The following MYO1E variants were observed in gnomAD, a reference collection of about 807,000 sequenced individuals.
MYO1E encodes the protein unconventional myosin-Ie.
Under a neutral mutation model 151.1 loss-of-function variants are expected in MYO1E, and 68 were observed. That is an observed-to-expected ratio of 0.45 (90% CI 0.37 to 0.55). The LOEUF is 0.55. MYO1E is among the 20% of genes least tolerant of loss of function. The probability of loss-of-function intolerance (pLI) is 0.00; values close to 1 mark genes in which losing one functional copy is unlikely to be tolerated. For synonymous variants in MYO1E, 601 were observed against 501.7 expected, an observed-to-expected ratio of 1.20 and a Z score of -2.64; for missense variants, 1,363 against 1,389.3, an observed-to-expected ratio of 0.98 and a Z score of 0.30.
At chr15:59,165,701 T>C (rs1195266458) in intron 22 of MYO1E, among the ~76,000 whole-genome samples, 4 of 152,220 alleles carry the variant, frequency 2.6e-5, no homozygotes, top group East Asian at 1.9e-4. Flanking sequence ...AAAGCACTTA[T>C]GAAAAGCTGC....
At chr15:59,369,077 T>C (rs2080930495) in intron 1 of MYO1E, among the ~76,000 whole-genome samples, 1 of 152,208 alleles carries the variant, frequency 6.6e-6, no homozygotes, top group Non-Finnish European at 1.5e-5. Flanking sequence ...CTACTAGCAA[T>C]CTGATAAACT....
At chr15:59,234,563 T>C (rs548628747) in intron 5 of MYO1E, among the ~76,000 whole-genome samples, 12 of 152,318 alleles carry the variant, frequency 7.9e-5, no homozygotes, top group African/African-American at 2.6e-4. Flanking sequence ...CTCATGCCTG[T>C]AATCCCAGCT....
chr15:59,277,500 G>A (rs571108439), intron 1 of MYO1E, among the ~76,000 whole-genome samples: 167 of 147,942 alleles, frequency 1.1e-3, no homozygotes, highest in African/African-American at 4.2e-3. Context: ...AGCTGAGATC[G>A]GGCCACTGCA....
intron 1 of MYO1E, among the ~76,000 whole-genome samples, chr15:59,312,291 T>C (rs545345293): frequency 6.6e-6 from 1 of 152,284 alleles, no homozygotes; most frequent in African/African-American, 2.4e-5. Context: ...GGGTTTCATT[T>C]TTACAACTGA....
intron 1 of MYO1E, among the ~76,000 whole-genome samples, chr15:59,316,028 G>A (rs2080586756): frequency 6.6e-6 from 1 of 152,132 alleles, no homozygotes; most frequent in Admixed American, 6.5e-5. Flanking sequence ...AGAGTGGTTT[G>A]GCTCGTGGTG....
intron 10 of MYO1E, 91 bp from the exon 11 acceptor site, chr15:59,214,811 G>T: frequency 1.0e-6 from 1 of 954,518 alleles, no homozygotes; most frequent in Non-Finnish European, 1.7e-6. Flanking sequence ...GATTCTACAC[G>T]GCAAACACTA....
At chr15:59,256,462 C>T (rs2140370764) in intron 3 of MYO1E, 84 bp from the exon 4 acceptor site, 2 of 719,328 alleles carry the variant, frequency 2.8e-6, no homozygotes, top group South Asian at 4.4e-5. Flanking sequence ...AGGCAATACA[C>T]TCAATTTCTT....
chr15:59,173,245 A>T (rs1451395623), intron 21 of MYO1E, among the ~76,000 whole-genome samples: 1 of 152,224 alleles, frequency 6.6e-6, no homozygotes, highest in Non-Finnish European at 1.5e-5. Context: ...ATATTAGGAG[A>T]CAGATAGATA....
intron 1 of MYO1E, among the ~76,000 whole-genome samples, chr15:59,289,010 C>T (rs760615086): frequency 1.2e-4 from 19 of 152,098 alleles, no homozygotes; most frequent in Non-Finnish European, 2.5e-4. Flanking sequence ...CATTCAGAAC[C>T]CTAAAATATT....
intron 1 of MYO1E, among the ~76,000 whole-genome samples, chr15:59,333,242 T>C (rs2080708460): frequency 1.3e-5 from 2 of 152,142 alleles, no homozygotes; most frequent in East Asian, 1.9e-4. Flanking sequence ...TTCTTTCTTT[T>C]TCTTTTTCTT....
intron 2 of MYO1E, among the ~76,000 whole-genome samples, chr15:59,269,732 C>T (rs549098137): frequency 2.6e-5 from 4 of 152,044 alleles, no homozygotes; most frequent in African/African-American, 4.8e-5. Flanking sequence ...TGGTGGTGCA[C>T]ACCTGTAGTC....
chr15:59,329,432 C>T (rs188152306), intron 1 of MYO1E, among the ~76,000 whole-genome samples: 1 of 152,294 alleles, frequency 6.6e-6, no homozygotes, highest in East Asian at 1.9e-4. Context: ...TACCCAATAG[C>T]AATCCTAAAT....
At chr15:59,286,310 A>G (rs1338052941) in intron 1 of MYO1E, among the ~76,000 whole-genome samples, 2 of 152,180 alleles carry the variant, frequency 1.3e-5, no homozygotes, top group South Asian at 2.1e-4. Flanking sequence ...GAGTTAACCA[A>G]CTACTCACAT....
At chr15:59,143,972 A>T (rs929587337) in intron 26 of MYO1E, among the ~76,000 whole-genome samples, 1 of 152,082 alleles carries the variant, frequency 6.6e-6, no homozygotes, top group African/African-American at 2.4e-5. Flanking sequence ...GTAGCATGAC[A>T]GTGACTTGTG....
chr15:59,180,553 T>C (rs72746819), intron 18 of MYO1E, among the ~76,000 whole-genome samples: 4,653 of 152,242 alleles, frequency 0.031, 111 homozygotes, highest in Non-Finnish European at 0.047. Context: ...TCTTTTTTTT[T>C]TTTTAATGGT....
At chr15:59,267,676 G>A (rs1156853708) in intron 2 of MYO1E, among the ~76,000 whole-genome samples, 1 of 152,234 alleles carries the variant, frequency 6.6e-6, no homozygotes, top group Non-Finnish European at 1.5e-5. Flanking sequence ...CAAGTTTGGA[G>A]AAAGTTGGAC....
intron 15 of MYO1E, among the ~76,000 whole-genome samples, chr15:59,204,978 T>TA (rs1484419945): frequency 6.6e-6 from 1 of 152,120 alleles, no homozygotes; most frequent in African/African-American, 2.4e-5. Context: ...GAAGGACCTG[T>TA]AGATGGCACT....
chr15:59,164,377 C>G (rs954663458), intron 22 of MYO1E, among the ~76,000 whole-genome samples: 8 of 152,200 alleles, frequency 5.3e-5, no homozygotes, highest in Non-Finnish European at 1.5e-5. Flanking sequence ...ACAAATTAGG[C>G]AAACCTGCTT....
At position 59,210,607 on chromosome 15, in the gene MYO1E, C is replaced by G. The variant is rs778722978; in HGVS notation, c.1276-7G>C. The G allele has an allele frequency of 1.9e-6, 3 of 1,566,016 alleles. No individual in the cohort carries two copies. The East Asian group carries it at 6.7e-5, about 35-fold the overall frequency. ...CCTCTTGAACATATTCTTCCTGTAA[C>G]ACAGAGACAAGGAACTCACATTATT... is the stretch of plus-strand genomic sequence containing the variant. On this transcript the variant is annotated splice_polypyrimidine_tract_variant and splice_region_variant and intron_variant, in intron 12 of 27. Coordinates refer to ENST00000288235, the MANE Select transcript of MYO1E (RefSeq NM_004998.4).
Sources: allele counts gnomAD v4.1 joint callset (sites outside exome capture counted in the v4.1 genomes callset), GRCh38; gene constraint gnomAD v4.1.1; transcripts MANE v1.5; gene names NCBI Gene and HGNC (gene_info 2026-07-23, HGNC 2026-07-21).